Variants in BCAS3 observed in about 807,000 individuals in gnomAD.
The protein encoded by BCAS3 is BCAS3 microtubule associated cell migration factor, also known as BCAS4/BCAS3 fusion.
Under a neutral mutation model 116.1 loss-of-function variants are expected in BCAS3, and 53 were observed. That is an observed-to-expected ratio of 0.46 (90% CI 0.37 to 0.57). The LOEUF is 0.57. Among genes scored for constraint, BCAS3 ranks in the 20% least tolerant of loss-of-function variants. The pLI is 0.00. For missense variants in BCAS3, 917 were observed against 1,165.4 expected (o/e 0.79, Z 3.10); for synonymous variants, 391 against 408.2 (o/e 0.96, Z 0.51).
intron 22 of BCAS3, among the ~76,000 whole-genome samples, chr17:61,216,701 G>T (rs942238077): frequency 3.3e-5 from 5 of 151,154 alleles, no homozygotes; most frequent in Non-Finnish European, 7.4e-5. Context: ...CCGCCACCAC[G>T]CCCAGCTAAT....
chr17:61,035,927 AT>A (rs1568178926), intron 17 of BCAS3, among the ~76,000 whole-genome samples: 2 of 152,132 alleles, frequency 1.3e-5, no homozygotes, highest in African/African-American at 4.8e-5. Context: ...AAGCTTATGA[AT>A]TGTTTATTTC....
intron 7 of BCAS3, among the ~76,000 whole-genome samples, chr17:60,837,835 A>G (rs2051509015): frequency 6.6e-6 from 1 of 151,926 alleles, no homozygotes; most frequent in African/African-American, 2.4e-5. Flanking sequence ...TATTTTTAGT[A>G]GAGGAGGGGT....
At position 61,124,832 on chromosome 17, in the gene BCAS3, C is replaced by T. The variant is rs2075972336; in HGVS notation, c.2425+40268C>T. ...TGTGTTAGAAGATGCTATCGGCTCA[C>T]CTGGCCTCTTAGTGACAGAGAAATC... On this transcript the variant is annotated intron_variant, in intron 22 of 23. Transcript: ENST00000407086. The surrounding 1 kb of genome is among the most constrained non-coding windows in gnomAD (Gnocchi z 4.6). Among the ~76,000 whole-genome samples, 1 of 152,140 alleles carries T rather than the reference C, an allele frequency of 6.6e-6. No individual in the cohort carries two copies. The highest frequency in any genetic ancestry group is 1.5e-5 in the Non-Finnish European group (1 of 68,040).
At position 61,110,712 on chromosome 17, in the gene BCAS3, C is replaced by T. The variant is rs1161839916; in HGVS notation, c.2425+26148C>T. On this transcript the variant is annotated intron_variant, in intron 22 of 23. Coordinates refer to ENST00000407086, the MANE Select transcript of BCAS3 (RefSeq NM_017679.5). ...GGCTTGCTTAGGTAAACAAAGCAGCCGGGAAGCTCCAACTGGGTGGAGCCC... is the reference window on the plus strand; with the variant it reads ...GGCTTGCTTAGGTAAACAAAGCAGCTGGGAAGCTCCAACTGGGTGGAGCCC... 5.3e-4 allele frequency among the ~76,000 whole-genome samples: 79 copies of T among 148,352 alleles called. 1 individual carries two copies. Among genetic ancestry groups the T allele is most frequent in the Middle Eastern group, 3.4e-3 (1 of 292 alleles).
In BCAS3 at chr17:61,013,695, G is replaced by A. The variant is rs372374598; in HGVS notation, c.1487-2056G>A. Among the ~76,000 whole-genome samples the A allele has an allele frequency of 2.6e-5, 4 of 151,920 alleles. No individual in the cohort carries two copies. Among genetic ancestry groups the A allele is most frequent in the African/African-American group, 9.7e-5 (4 of 41,364 alleles). On this transcript the variant is annotated intron_variant, in intron 15 of 23. Transcript: ENST00000407086. The surrounding 1 kb of genome is among the most constrained non-coding windows in gnomAD (Gnocchi z 4.4). Reference sequence around the variant, plus strand: ...ATTGGAAATTGAGGAGATAGAGAACGATTTATTTTATTTGCATGAATTTCT... The same window carrying A: ...ATTGGAAATTGAGGAGATAGAGAACAATTTATTTTATTTGCATGAATTTCT...
intron 7 of BCAS3, among the ~76,000 whole-genome samples, chr17:60,830,052 C>T (rs376051265): frequency 1.3e-5 from 2 of 152,060 alleles, no homozygotes; most frequent in African/African-American, 2.4e-5. Context: ...AGTGCAGTGG[C>T]GCGATCTTAG....
chr17:61,066,107 A>C (rs1464334610), intron 19 of BCAS3, among the ~76,000 whole-genome samples: 1 of 152,186 alleles, frequency 6.6e-6, no homozygotes, highest in Non-Finnish European at 1.5e-5. Context: ...TAGTGATAGC[A>C]TTGCAATTAA....
intron 9 of BCAS3, among the ~76,000 whole-genome samples, chr17:60,877,681 T>G (rs1326019405): frequency 6.6e-6 from 1 of 152,228 alleles, no homozygotes; most frequent in Non-Finnish European, 1.5e-5. Context: ...TTTGTGGTAC[T>G]GTAGAAGGTA....
intron 7 of BCAS3, among the ~76,000 whole-genome samples, chr17:60,814,294 T>TGCGCGCGCGC (rs1227778280): frequency 5.7e-5 from 7 of 122,080 alleles, no homozygotes; most frequent in African/African-American, 3.4e-4. Context: ...TGTGTGTGTG[T>TGCGCGCGCGC]GTGTGTGTGT....
chr17:60,827,200 G>A (rs2050507389), intron 7 of BCAS3, among the ~76,000 whole-genome samples: 1 of 152,164 alleles, frequency 6.6e-6, no homozygotes, highest in Admixed American at 6.5e-5. Context: ...GCTGTGATTG[G>A]TTCTTGTGTG....
chr17:60,935,549 C>G (rs1430774917), intron 13 of BCAS3, among the ~76,000 whole-genome samples: 1 of 152,082 alleles, frequency 6.6e-6, no homozygotes, highest in Non-Finnish European at 1.5e-5. Context: ...AACATAGTCA[C>G]AGAGTCATGC....
chr17:61,159,628 A>G (rs2078047741), intron 22 of BCAS3, among the ~76,000 whole-genome samples: 2 of 152,256 alleles, frequency 1.3e-5, no homozygotes, highest in Admixed American at 1.3e-4. Context: ...ATGACTCAAC[A>G]GTAGTGAAAA....
intron 22 of BCAS3, among the ~76,000 whole-genome samples, chr17:61,289,113 C>T (rs1051433886): frequency 2.0e-5 from 3 of 152,166 alleles, no homozygotes; most frequent in East Asian, 1.9e-4. Context: ...CTCTTCATGT[C>T]GTCTAATCTT....
At chr17:61,310,285 G>T (rs1165323999) in intron 22 of BCAS3, among the ~76,000 whole-genome samples, 1 of 152,180 alleles carries the variant, frequency 6.6e-6, no homozygotes, top group Admixed American at 6.5e-5. Context: ...CAGGTACAGT[G>T]GCTCACGCCT....
chr17:60,716,587 C>T (rs2038635065), intron 5 of BCAS3, among the ~76,000 whole-genome samples: 1 of 151,834 alleles, frequency 6.6e-6, no homozygotes, highest in African/African-American at 2.4e-5. Flanking sequence ...TTGGGTGAGA[C>T]CCCATCTCAC....
chr17:61,305,688 G>A (rs1172659373), intron 22 of BCAS3, among the ~76,000 whole-genome samples: 2 of 152,194 alleles, frequency 1.3e-5, no homozygotes, highest in Admixed American at 1.3e-4. Context: ...CTGAGGTCAG[G>A]AGTTTGAGAG....
At chr17:60,795,775 C>T (rs567007557) in intron 6 of BCAS3, among the ~76,000 whole-genome samples, 16 of 152,180 alleles carry the variant, frequency 1.1e-4, no homozygotes, top group South Asian at 4.1e-4. Flanking sequence ...CTGTAGCCTC[C>T]GCCTCCTGGG....
At position 61,151,902 on chromosome 17, in the gene BCAS3, A is replaced by T. The variant is rs1384794833; in HGVS notation, c.2425+67338A>T. On this transcript the variant is annotated intron_variant, in intron 22 of 23. Transcript: ENST00000407086. The surrounding 1 kb of genome is among the most constrained non-coding windows in gnomAD (Gnocchi z 4.8). Reference sequence around the variant, plus strand: ...GTTCCTAAAATGCACCAGACTTACTATAAGAAGTATGGCAAGCACCAGCTC... The same window carrying T: ...GTTCCTAAAATGCACCAGACTTACTTTAAGAAGTATGGCAAGCACCAGCTC... Among the ~76,000 whole-genome samples, 2 of 152,176 alleles carry T rather than the reference A, an allele frequency of 1.3e-5. No homozygotes were observed. Among genetic ancestry groups the T allele is most frequent in the African/African-American group, 4.8e-5 (2 of 41,442 alleles).
intron 22 of BCAS3, among the ~76,000 whole-genome samples, chr17:61,288,953 C>T (rs1221793319): frequency 6.6e-6 from 1 of 152,194 alleles, no homozygotes; most frequent in Non-Finnish European, 1.5e-5. Flanking sequence ...TTATCTATAA[C>T]CAATACAATG....
Sources: gnomAD v4.1 joint callset for allele counts (sites outside exome capture counted in the v4.1 genomes callset) on GRCh38, gnomAD v4.1.1 for gene constraint, Gnocchi (gnomAD v3.1) non-coding constraint, MANE v1.5 for transcripts, NCBI Gene and HGNC (gene_info 2026-07-23, HGNC 2026-07-21) for gene names.